SOBP: variants seen among roughly 807,000 people sequenced by gnomAD.
SOBP encodes the protein sine oculis binding protein homolog, also known as sine oculis-binding protein homolog.
SOBP carries 4 observed loss-of-function variants against 53.6 expected under a neutral mutation model. The ratio of observed to expected loss-of-function variants is 0.07; its 90% confidence interval spans 0.04 to 0.17. SOBP has a LOEUF of 0.17. Ranked by LOEUF, SOBP falls within the 10% of genes least tolerant of loss-of-function variation. The pLI is 1.00. For missense variants in SOBP, 1,088 were observed against 1,204.7 expected, an observed-to-expected ratio of 0.90 and a Z score of 1.43; for synonymous variants, 584 against 522.6, an observed-to-expected ratio of 1.12 and a Z score of -1.60.
chr6:107,499,410 G>A (rs906762804), intron 1 of SOBP, among the ~76,000 whole-genome samples: 1 of 152,164 alleles, frequency 6.6e-6, no homozygotes, highest in Non-Finnish European at 1.5e-5. Context: ...ACACTGTAAA[G>A]TGCTATAAGA....
intron 1 of SOBP, among the ~76,000 whole-genome samples, chr6:107,496,148 A>G (rs555722549): frequency 6.6e-6 from 1 of 152,290 alleles, no homozygotes; most frequent in South Asian, 2.1e-4. Context: ...GGCCTGTGGA[A>G]CTCTGTGCTG....
chr6:107,533,192 C>G (rs1583181461), intron 3 of SOBP, among the ~76,000 whole-genome samples: 1 of 119,976 alleles, frequency 8.3e-6, no homozygotes, highest in African/African-American at 3.2e-5. Context: ...TTAAACCAGG[C>G]TAAGAAGCCC....
intron 5 of SOBP, among the ~76,000 whole-genome samples, chr6:107,592,115 T>A (rs1201349583): frequency 6.6e-6 from 1 of 152,148 alleles, no homozygotes. Context: ...TATATTGTGC[T>A]TTTCTTTTCC....
intron 1 of SOBP, among the ~76,000 whole-genome samples, chr6:107,491,513 C>T (rs375468570): frequency 6.6e-6 from 1 of 152,232 alleles, no homozygotes. Context: ...AGCAGCCTGG[C>T]GCTCCAGCTG....
intron 3 of SOBP, among the ~76,000 whole-genome samples, chr6:107,507,830 G>C (rs1783041985): frequency 6.6e-6 from 1 of 151,830 alleles, no homozygotes; most frequent in African/African-American, 2.4e-5. Flanking sequence ...TCTTTCACTT[G>C]TATGAAAATG....
intron 3 of SOBP, among the ~76,000 whole-genome samples, chr6:107,519,791 C>T (rs55952880): frequency 0.24 from 36,255 of 152,018 alleles, 5,035 homozygotes; most frequent in African/African-American, 0.38. Flanking sequence ...ATAGCACATC[C>T]TTCTGTTGGC....
intron 6 of SOBP, among the ~76,000 whole-genome samples, chr6:107,641,021 C>A (rs1428320027): frequency 1.3e-5 from 2 of 152,232 alleles, no homozygotes; most frequent in African/African-American, 4.8e-5. Flanking sequence ...TGCCTATGCA[C>A]AGAGGCATTT....
rs752548618 is a variant in SOBP, at chr6:107,635,927, C to G, written c.*3+458C>G. On this transcript the variant is annotated intron_variant, in intron 6 of 6. Transcript: ENST00000317357. This position sits in a 1 kb window ranked among gnomAD's most constrained non-coding sequence, Gnocchi z 4.5. ...CCAGTGAACCCATGAGCTGGGCCAC[C>G]TACTAAATAGAGCTGGTTGCCTCAT... Among the ~76,000 whole-genome samples the G allele has an allele frequency of 2.0e-4, 30 of 152,212 alleles. No individual in the cohort carries two copies. Among genetic ancestry groups the G allele is most frequent in the Non-Finnish European group, 1.2e-4 (8 of 68,034 alleles).
chr6:107,532,378 T>C (rs1018073031), intron 3 of SOBP, among the ~76,000 whole-genome samples: 1 of 152,038 alleles, frequency 6.6e-6, no homozygotes, highest in Non-Finnish European at 1.5e-5. Flanking sequence ...AGGTGTCTAC[T>C]TAAAGTTTCC....
chr6:107,638,274 G>A (rs1354115798), intron 6 of SOBP, among the ~76,000 whole-genome samples: 4 of 152,130 alleles, frequency 2.6e-5, no homozygotes, highest in South Asian at 2.1e-4. Flanking sequence ...GCAGTGGCGC[G>A]ACCTTGGCTC....
Position 107,635,290 on chromosome 6 carries a change from T to C in SOBP, c.2446T>C (p.Tyr816His), listed in dbSNP as rs1250520271. ...TAACCCCGCGGACGAGGACCATGCC[T>C]ATGCTCTGCGGATGCTGCCCAAGAC... ...LNNPADEDHAYALRMLPKTGC... is the reference protein window; with the variant it reads ...LNNPADEDHAHALRMLPKTGC... Residue 816 changes from tyrosine (Y) to histidine (H), a missense_variant, in exon 6 of 7, where the codon TAT becomes CAT. Physicochemically the swap from Tyr to His is moderately conservative, Grantham distance 83. Coordinates refer to ENST00000317357, the MANE Select transcript of SOBP (RefSeq NM_018013.4). This position sits in a 1 kb window ranked among gnomAD's most constrained non-coding sequence, Gnocchi z 4.5. 1.2e-6 allele frequency: 2 copies of C among 1,613,862 alleles called. No individual in the cohort carries two copies. Among genetic ancestry groups the C allele is most frequent in the Non-Finnish European group, 1.7e-6 (2 of 1,179,990 alleles).
At chr6:107,629,908 G>A (rs1299458917) in intron 5 of SOBP, among the ~76,000 whole-genome samples, 7 of 152,182 alleles carry the variant, frequency 4.6e-5, no homozygotes, top group Admixed American at 1.3e-4. Context: ...AATGGAATAC[G>A]CATTTGTTTA....
At chr6:107,572,984 G>A (rs750603458) in intron 4 of SOBP, among the ~76,000 whole-genome samples, 8 of 152,300 alleles carry the variant, frequency 5.3e-5, no homozygotes, top group Middle Eastern at 3.4e-3. Context: ...CTGCTCACGC[G>A]GGAGCCCCTT....
chr6:107,536,209 A>G (rs781359836), intron 4 of SOBP, among the ~76,000 whole-genome samples: 1 of 152,232 alleles, frequency 6.6e-6, no homozygotes, highest in South Asian at 2.1e-4. Context: ...GCTGGATAGC[A>G]TGGTGGGATC....
intron 4 of SOBP, among the ~76,000 whole-genome samples, chr6:107,567,099 G>A (rs1784940713): frequency 6.6e-6 from 1 of 152,194 alleles, no homozygotes; most frequent in Admixed American, 6.5e-5. Context: ...GTGATCAAAA[G>A]TGCTGAGTCT....
At chr6:107,605,388 CAA>C (rs1786336802) in intron 5 of SOBP, among the ~76,000 whole-genome samples, 1 of 152,214 alleles carries the variant, frequency 6.6e-6, no homozygotes, top group African/African-American at 2.4e-5. Flanking sequence ...CTTATCCTAA[CAA>C]GAGATTATGG....
At chr6:107,653,259 TCA>T (rs1771885138) in intron 6 of SOBP, among the ~76,000 whole-genome samples, 1 of 152,220 alleles carries the variant, frequency 6.6e-6, no homozygotes, top group South Asian at 2.1e-4. Context: ...CTATCTGGCA[TCA>T]CACTCAGAGT....
In SOBP at chr6:107,548,446, G is replaced by A. The variant is rs574955904; in HGVS notation, c.573+14836G>A. ...TTTAGTAGAGACAGGGTTTCATTGTGTTAGCCAGGATGGTCTCCATCTCCT... is the reference window on the plus strand; with the variant it reads ...TTTAGTAGAGACAGGGTTTCATTGTATTAGCCAGGATGGTCTCCATCTCCT... On this transcript the variant is annotated intron_variant, in intron 4 of 6. Transcript: ENST00000317357. 3.4e-4 allele frequency among the ~76,000 whole-genome samples: 51 copies of A among 152,074 alleles called. No individual in the cohort carries two copies. In the East Asian group the frequency reaches 7.6e-3, roughly 23 times the overall value.
chr6:107,498,122 G>A (rs1225970758), intron 1 of SOBP, among the ~76,000 whole-genome samples: 1 of 152,140 alleles, frequency 6.6e-6, no homozygotes, highest in Non-Finnish European at 1.5e-5. Flanking sequence ...CATTGTGTTA[G>A]GTGAGGCATA....
Sources: allele counts gnomAD v4.1 joint callset (sites outside exome capture counted in the v4.1 genomes callset), GRCh38; gene constraint gnomAD v4.1.1; non-coding constraint Gnocchi (gnomAD v3.1); transcripts MANE v1.5; gene names NCBI Gene and HGNC (gene_info 2026-07-23, HGNC 2026-07-21).